The following PANK4 variants were observed in gnomAD, a reference collection of about 807,000 sequenced individuals.
PANK4 encodes pantothenate kinase 4 (inactive).
In PANK4, 40 loss-of-function variants were observed where a neutral mutation model predicts 87.9. The ratio of observed to expected loss-of-function variants is 0.46; its 90% CI spans 0.35 to 0.59. The LOEUF (loss-of-function observed/expected upper bound fraction) is 0.59. Among genes scored for constraint, PANK4 ranks in the 20% least tolerant of loss-of-function variants. The pLI is 0.00. For missense variants in PANK4, 926 were observed against 1,072.3 expected (o/e 0.86, Z 1.90); for synonymous variants, 524 against 467.4 (o/e 1.12, Z -1.56).
At chr1:2,517,547 TG>T (rs780210380) in intron 9 of PANK4, among the ~76,000 whole-genome samples, 19 of 152,284 alleles carry the variant, frequency 1.2e-4, no homozygotes, top group Non-Finnish European at 2.4e-4. Flanking sequence ...TCCTGCCATG[TG>T]GGGCTGTGCT....
chr1:2,509,003 G>A lies in PANK4; in HGVS notation c.2166C>T (p.Val722=). The A allele has an allele frequency of 1.9e-6, 3 of 1,607,098 alleles. No individual in the cohort carries two copies. Among genetic ancestry groups the A allele is most frequent in the Non-Finnish European group, 2.5e-6 (3 of 1,179,622 alleles). ...LVRERGADLV[V]IEGMGRAVHT... ...GGACAGCACGGCCCATGCCCTCGAT[G>A]ACCACCAGATCCGCGCCACGCTCCC... Residue 722 remains valine (V), a synonymous_variant, in exon 19 of 19, where the codon GTC becomes GTT. Transcript: ENST00000378466. The surrounding 1 kb of genome is among the most constrained non-coding windows in gnomAD (Gnocchi z 4.9).
In PANK4 at chr1:2,508,553, A is replaced by G. The variant is rs548374282; in HGVS notation, c.*294T>C. 3 of 168,344 alleles carry G rather than the reference A, an allele frequency of 1.8e-5. No homozygotes were observed. The highest frequency in any genetic ancestry group is 3.2e-4 in the East Asian group (2 of 6,330). 10.4% of individuals were successfully genotyped at this position (168,344 alleles called of 1,614,324 possible). On this transcript the variant is annotated 3_prime_UTR_variant, in exon 19 of 19. Transcript: ENST00000378466. The surrounding 1 kb of genome is among the most constrained non-coding windows in gnomAD (Gnocchi z 5.1). ...GGCTCCGGCCTCTTTTAAAAACTCT[A>G]TTTGGTGCGTGCCCACGGTGCTGCG...
Position 2,515,264 on chromosome 1 carries a change from A to T in PANK4, c.1374+298T>A. 1 of 590,816 alleles carries T rather than the reference A, an allele frequency of 1.7e-6. No individual in the cohort carries two copies. Among genetic ancestry groups the T allele is most frequent in the Non-Finnish European group, 3.2e-6 (1 of 313,138 alleles). The allele number at this position is 590,816 out of a possible 1,614,324, so 36.6% of individuals were successfully genotyped here. A position where few individuals can be genotyped will look rare whatever the true frequency, so the allele number is the denominator to read the frequency against. ...TCCCGCACCTCAGTCACACCTCAAA[A>T]GAGCAGAGACGTCTCCTAAATTGCT... On this transcript the variant is annotated intron_variant, in intron 10 of 18. Coordinates refer to ENST00000378466, the MANE Select transcript of PANK4 (RefSeq NM_018216.4). This position sits in a 1 kb window ranked among gnomAD's most constrained non-coding sequence, Gnocchi z 5.0.
In PANK4 at chr1:2,509,174, T is replaced by A; in HGVS notation, c.2109-114A>T. 2.4e-6 allele frequency: 2 copies of A among 820,316 alleles called. No individual in the cohort carries two copies. The highest frequency in any genetic ancestry group is 3.8e-6 in the Non-Finnish European group (2 of 527,012). The allele number at this position is 820,316 out of a possible 1,614,324, so 50.8% of individuals were successfully genotyped here. A position where few individuals can be genotyped will look rare whatever the true frequency, so the allele number is the denominator to read the frequency against. Reference sequence around the variant, plus strand: ...ACCCCTACCGCTCAATTCCCTGATGTGGAGGCCTCCAAACCCAGCCTCCGC... The same window carrying A: ...ACCCCTACCGCTCAATTCCCTGATGAGGAGGCCTCCAAACCCAGCCTCCGC... On this transcript the variant is annotated intron_variant, in intron 18 of 18. Coordinates refer to ENST00000378466, the MANE Select transcript of PANK4 (RefSeq NM_018216.4). The surrounding 1 kb of genome is among the most constrained non-coding windows in gnomAD (Gnocchi z 4.9).
At chr1:2,521,996 T>G (rs1426950069) in intron 1 of PANK4, 196 bp from the exon 2 acceptor site, 6 of 589,394 alleles carry the variant, frequency 1.0e-5, no homozygotes, top group Non-Finnish European at 1.8e-5. Flanking sequence ...ACACTTTTCT[T>G]TCTCAAATTC....
In PANK4 at chr1:2,514,474, C is replaced by G. The variant is rs764448081; in HGVS notation, c.1375-8G>C. The G allele has an allele frequency of 6.2e-7, 1 of 1,600,302 alleles. No individual in the cohort carries two copies. On this transcript the variant is annotated splice_region_variant and splice_polypyrimidine_tract_variant and intron_variant, in intron 10 of 18. Coordinates refer to ENST00000378466, the MANE Select transcript of PANK4 (RefSeq NM_018216.4). ...CACTGCGCGCTTCACTACCTGCCAGCGACAGAAGGAGGGGGTTAGTCAAGC... is the reference window on the plus strand; with the variant it reads ...CACTGCGCGCTTCACTACCTGCCAGGGACAGAAGGAGGGGGTTAGTCAAGC...
chr1:2,526,576 A>C lies in PANK4; in HGVS notation c.12T>G (p.Cys4Trp), dbSNP rs2100804960. The C allele has an allele frequency of 6.2e-7, 1 of 1,601,070 alleles. No homozygotes were observed. The highest frequency in any genetic ancestry group is 8.5e-7 in the Non-Finnish European group (1 of 1,174,464). The change falls in exon 1 of 19, where the codon TGT becomes TGG. Residue 4 changes from cysteine (C) to tryptophan (W), a missense_variant. By Grantham distance (215) the Cys-to-Trp change is radical. Transcript: ENST00000378466. Reference protein sequence around the residue: MAECGASGSGSSGD... With the variant: MAEWGASGSGSSGD... The stretch of plus-strand genomic sequence containing the variant: ...CGCTGCTCCCGCTGCCGCTCGCTCC[A>C]CACTCCGCCATTTTGAAAGTGCCCG...
chr1:2,510,088 C>T lies in PANK4; in HGVS notation c.2008G>A (p.Glu670Lys). 5 of 1,611,258 alleles carry T rather than the reference C, an allele frequency of 3.1e-6. No homozygotes were observed. The highest frequency in any genetic ancestry group is 4.2e-6 in the Non-Finnish European group (5 of 1,179,214). Residue 670 changes from glutamate to lysine, a missense_variant, in exon 17 of 19, where the codon GAG (glutamate) becomes AAG (lysine). Physicochemically the swap from Glu to Lys is moderately conservative, Grantham distance 56. Coordinates refer to ENST00000378466, the MANE Select transcript of PANK4 (RefSeq NM_018216.4). The surrounding 1 kb of genome is among the most constrained non-coding windows in gnomAD (Gnocchi z 4.9). ...ACAGGGTCCATGCCCGCAATACGCT[C>T]TGCCACGATGAGGGACTCGCTGTGG... ...VTHSESLIVA[E>K]RIAGMDPVVH...
In PANK4 at chr1:2,519,976, C is replaced by T. The variant is rs1257945937; in HGVS notation, c.700-22G>A. The T allele has an allele frequency of 7.9e-6, 12 of 1,528,580 alleles. No homozygotes were observed. The highest frequency in any genetic ancestry group is 4.1e-5 in the Admixed American group (2 of 48,892). 94.7% of individuals were successfully genotyped at this position (1,528,580 alleles called of 1,614,324 possible). ...ACTTCTGCAGGACACGGCGAGGGGG[C>T]GGGTGAGGCGCCAGGAGCTGCTGGA... On this transcript the variant is annotated intron_variant, in intron 5 of 18. Coordinates refer to ENST00000378466, the MANE Select transcript of PANK4 (RefSeq NM_018216.4). The surrounding 1 kb of genome is among the most constrained non-coding windows in gnomAD (Gnocchi z 8.3).
chr1:2,510,180 C>T lies in PANK4; in HGVS notation c.1939-23G>A, dbSNP rs1643637487. On this transcript the variant is annotated intron_variant, in intron 16 of 18. Coordinates refer to ENST00000378466, the MANE Select transcript of PANK4 (RefSeq NM_018216.4). This position sits in a 1 kb window ranked among gnomAD's most constrained non-coding sequence, Gnocchi z 4.9. ...GACCTGCAGGAGGAGGGCCCAGGCTCTTTAGGAACCTGTGCTGGCCCAGCA... is the reference window on the plus strand; with the variant it reads ...GACCTGCAGGAGGAGGGCCCAGGCTTTTTAGGAACCTGTGCTGGCCCAGCA... 4.1e-6 allele frequency: 6 copies of T among 1,455,072 alleles called. No individual in the cohort carries two copies. In the South Asian group the frequency reaches 7.2e-5, roughly 17 times the overall value. 90.1% of individuals were successfully genotyped at this position (1,455,072 alleles called of 1,614,324 possible).
chr1:2,515,289 T>C lies in PANK4; in HGVS notation c.1374+273A>G, dbSNP rs1404299516. The C allele has an allele frequency of 1.5e-6, 1 of 658,780 alleles. No homozygotes were observed. Among genetic ancestry groups the C allele is most frequent in the Non-Finnish European group, 2.8e-6 (1 of 357,420 alleles). 40.8% of individuals were successfully genotyped at this position (658,780 alleles called of 1,614,324 possible). A position where few individuals can be genotyped will look rare whatever the true frequency, so the allele number is the denominator to read the frequency against. On this transcript the variant is annotated intron_variant, in intron 10 of 18. Transcript: ENST00000378466. The surrounding 1 kb of genome is among the most constrained non-coding windows in gnomAD (Gnocchi z 5.0). ...AGAGCAGAGACGTCTCCTAAATTGC[T>C]TTTTGAAGGAATGTGCTAGCTAGCA...
chr1:2,516,387 G>A (rs746661662), intron 9 of PANK4, among the ~76,000 whole-genome samples: 32 of 152,346 alleles, frequency 2.1e-4, no homozygotes, highest in Non-Finnish European at 3.8e-4. Context: ...GCGCTCACGG[G>A]CCCTGCTGGC....
Position 2,519,779 on chromosome 1 carries a change from C to T in PANK4, c.853+22G>A, listed in dbSNP as rs775150744. On this transcript the variant is annotated intron_variant, in intron 6 of 18. Transcript: ENST00000378466. This position sits in a 1 kb window ranked among gnomAD's most constrained non-coding sequence, Gnocchi z 8.3. ...GTGTCCCCACCATCCTGCTCTCTGG[C>T]GGCAGAGGCCGGGGTGAGCACCTTG... The T allele has an allele frequency of 6.1e-5, 95 of 1,553,792 alleles. No homozygotes were observed. Among genetic ancestry groups the T allele is most frequent in the South Asian group, 5.9e-5 (5 of 85,084 alleles).
intron 10 of PANK4, among the ~76,000 whole-genome samples, 164 bp from the exon 11 acceptor site, chr1:2,514,630 C>T (rs1643730953): frequency 9.1e-6 from 1 of 109,380 alleles, no homozygotes; most frequent in South Asian, 3.6e-4. Flanking sequence ...TGGGAGCCGG[C>T]TGTCGGGGGC....
chr1:2,513,882 C>T, intron 12 of PANK4, 120 bp downstream of exon 12: 2 of 793,538 alleles, frequency 2.5e-6, no homozygotes, highest in South Asian at 2.8e-5. Flanking sequence ...GGGCCGCTAC[C>T]AAACCTGCAT....
Position 2,519,062 on chromosome 1 carries a change from G to T in PANK4, c.1035+81C>A, listed in dbSNP as rs1643837322. The T allele has an allele frequency of 3.8e-6, 5 of 1,330,516 alleles. No individual in the cohort carries two copies. The Admixed American group carries it at 7.6e-5, about 20-fold the overall frequency. 82.4% of individuals were successfully genotyped at this position (1,330,516 alleles called of 1,614,324 possible). A position where few individuals can be genotyped will look rare whatever the true frequency, so the allele number is the denominator to read the frequency against. ...CCCTCCAGGCCTCCCTGGGGGTGCT[G>T]CGGTGTCTAACCAGCATGACTGATT... On this transcript the variant is annotated intron_variant, in intron 7 of 18. Transcript: ENST00000378466. The surrounding 1 kb of genome is among the most constrained non-coding windows in gnomAD (Gnocchi z 8.3).
intron 1 of PANK4, 141 bp from the exon 2 acceptor site, chr1:2,521,941 C>A (rs1209952059): frequency 1.5e-6 from 1 of 670,466 alleles, no homozygotes; most frequent in South Asian, 1.7e-5. Flanking sequence ...ACTTAAAAAC[C>A]CTGTGGGCAC....
chr1:2,514,683 G>A (rs1643734371), intron 10 of PANK4, among the ~76,000 whole-genome samples: 1 of 144,594 alleles, frequency 6.9e-6, no homozygotes, highest in South Asian at 2.3e-4. Context: ...GGCTTCCCGG[G>A]GCAGGGTCAG....
rs1384203370 is a variant in PANK4 at position 2,509,248 on chromosome 1, G to C, written c.2109-188C>G. Among the ~76,000 whole-genome samples the C allele has an allele frequency of 1.3e-5, 2 of 152,104 alleles. No individual in the cohort carries two copies. The highest frequency in any genetic ancestry group is 4.8e-5 in the African/African-American group (2 of 41,408). On this transcript the variant is annotated intron_variant, in intron 18 of 18. Transcript: ENST00000378466. This position sits in a 1 kb window ranked among gnomAD's most constrained non-coding sequence, Gnocchi z 4.9. ...CTTCCTCAGAGCAGCAGCTCACACA[G>C]GGCCAGAGCAGCTGCAGCTTGGAAA...
Sources: gnomAD v4.1 joint callset for allele counts (sites outside exome capture counted in the v4.1 genomes callset) on GRCh38, gnomAD v4.1.1 for gene constraint, Gnocchi (gnomAD v3.1) non-coding constraint, MANE v1.5 for transcripts, NCBI Gene and HGNC (gene_info 2026-07-23, HGNC 2026-07-21) for gene names.